WARS1: variants seen among roughly 807,000 people sequenced by gnomAD.
The protein encoded by WARS1 is tryptophan--tRNA ligase, cytoplasmic.
A neutral mutation model predicts 47.8 loss-of-function variants in WARS1; 17 were observed. The observed-to-expected ratio is 0.36, with a 90% CI of 0.24 to 0.53. The LOEUF is 0.53. WARS1 is among the 20% of genes least tolerant of loss of function. The pLI is 0.91. For synonymous variants in WARS1, 208 were observed against 228.1 expected (o/e 0.91, Z 0.79); for missense variants, 434 against 608.0 (o/e 0.71, Z 3.01).
Position 100,354,713 on chromosome 14 carries a change from A to T in WARS1, c.423-147T>A, listed in dbSNP as rs1465209171. 4.2e-6 allele frequency: 4 copies of T among 957,444 alleles called. No individual in the cohort carries two copies. In the Admixed American group the frequency reaches 1.2e-4, roughly 28 times the overall value. The allele number at this position is 957,444 out of a possible 1,614,324, so 59.3% of individuals were successfully genotyped here. On this transcript the variant is annotated intron_variant, in intron 4 of 10. Transcript: ENST00000392882. ...TGTTACCTTTGGTGCTTATGATATAAATATAGACAGGAAACTTCTACTGAA... is the reference window on the plus strand; with the variant it reads ...TGTTACCTTTGGTGCTTATGATATATATATAGACAGGAAACTTCTACTGAA...
chr14:100,347,406 A>G (rs1361367387), intron 6 of WARS1, among the ~76,000 whole-genome samples: 1 of 152,170 alleles, frequency 6.6e-6, no homozygotes, highest in African/African-American at 2.4e-5. Flanking sequence ...ATCCACAGCA[A>G]CAGGGCTAGG....
At position 100,344,274 on chromosome 14, in the gene WARS1, G is replaced by T. The variant is rs1038211121; in HGVS notation, c.827-887C>A. Among the ~76,000 whole-genome samples, 144 of 152,264 alleles carry T rather than the reference G, an allele frequency of 9.5e-4. 1 individual carries two copies. Among genetic ancestry groups the T allele is most frequent in the African/African-American group, 3.3e-3 (139 of 41,558 alleles). ...GTTTTCGGATTTTTTTGGTGGAGAC[G>T]GGGTTTCGCTGTGTTGGCCGGGCTG... On this transcript the variant is annotated intron_variant, in intron 7 of 10. Transcript: ENST00000392882.
At chr14:100,363,705 A>C (rs1232814644) in intron 2 of WARS1, among the ~76,000 whole-genome samples, 5 of 151,898 alleles carry the variant, frequency 3.3e-5, no homozygotes, top group Non-Finnish European at 7.4e-5. Context: ...CCCACAAAAA[A>C]CCCAGAACAT....
intron 2 of WARS1, chr14:100,368,346 A>G (rs1467981494): frequency 2.3e-6 from 1 of 442,728 alleles, no homozygotes; most frequent in Non-Finnish European, 4.6e-6. Context: ...TTCCATGGTC[A>G]TAATAATGTC....
intron 2 of WARS1, among the ~76,000 whole-genome samples, chr14:100,364,449 G>T (rs968635842): frequency 6.6e-6 from 1 of 152,144 alleles, no homozygotes; most frequent in East Asian, 1.9e-4. Context: ...AGCTCAAGGT[G>T]CCCTCTCTTA....
chr14:100,340,234 A>T (rs1894071514), intron 9 of WARS1: 1 of 152,218 alleles, frequency 6.6e-6, no homozygotes, highest in African/African-American at 2.4e-5. Context: ...GAACCAGCCT[A>T]CCAGGCCTGA....
chr14:100,372,837 T>C (rs546915157), intron 1 of WARS1, among the ~76,000 whole-genome samples: 1 of 152,322 alleles, frequency 6.6e-6, no homozygotes, highest in Admixed American at 6.5e-5. Flanking sequence ...CTTGCTCATG[T>C]GCTCTCTCAG....
rs548331511 is a variant in WARS1 at position 100,360,496 on chromosome 14, T to C, written c.422+58A>G. ...GGCTTATGAAGAGAGTGTCTTACGA[T>C]TTTTTTGAACTAAAAGAAGAGGACA... On this transcript the variant is annotated intron_variant, in intron 4 of 10. Coordinates refer to ENST00000392882, the MANE Select transcript of WARS1 (RefSeq NM_004184.4). The C allele has an allele frequency of 8.3e-5, 114 of 1,380,060 alleles. No individual in the cohort carries two copies. The African/African-American group carries it at 1.2e-3, about 15-fold the overall frequency. The allele number at this position is 1,380,060 out of a possible 1,614,324, so 85.5% of individuals were successfully genotyped here. A position where few individuals can be genotyped will look rare whatever the true frequency, so the allele number is the denominator to read the frequency against.
Position 100,334,705 on chromosome 14 carries a change from A to C in WARS1, c.*170T>G. 1.5e-6 allele frequency: 1 copy of C among 683,982 alleles called. No individual in the cohort carries two copies. Among genetic ancestry groups the C allele is most frequent in the Middle Eastern group, 2.8e-4 (1 of 3,552 alleles). The allele number at this position is 683,982 out of a possible 1,614,324, so 42.4% of individuals were successfully genotyped here. On this transcript the variant is annotated 3_prime_UTR_variant, in exon 11 of 11. Coordinates refer to ENST00000392882, the MANE Select transcript of WARS1 (RefSeq NM_004184.4). ...GCTTTGCCCATAAGAGATAGAAATA[A>C]TGGAACTCACAGGAAGAAACAGTAT...
rs1893592523 is a variant in WARS1, at chr14:100,334,779, G to A, written c.*96C>T. 1 of 1,463,264 alleles carries A rather than the reference G, an allele frequency of 6.8e-7. No individual in the cohort carries two copies. The highest frequency in any genetic ancestry group is 9.4e-7 in the Non-Finnish European group (1 of 1,069,416). The allele number at this position is 1,463,264 out of a possible 1,614,324, so 90.6% of individuals were successfully genotyped here. A position where few individuals can be genotyped will look rare whatever the true frequency, so the allele number is the denominator to read the frequency against. On this transcript the variant is annotated 3_prime_UTR_variant, in exon 11 of 11. Transcript: ENST00000392882. Reference sequence around the variant, plus strand: ...AGGCCAGGCCCAGTAATTACCATGAGACAGAAGCCTACAGGTGGCGGTGCT... The same window carrying A: ...AGGCCAGGCCCAGTAATTACCATGAAACAGAAGCCTACAGGTGGCGGTGCT...
At chr14:100,346,187 G>T (rs1192106269) in intron 7 of WARS1, among the ~76,000 whole-genome samples, 1 of 152,156 alleles carries the variant, frequency 6.6e-6, no homozygotes, top group Admixed American at 6.5e-5. Context: ...AGAGGGCCAT[G>T]AAGGCATGCA....
intron 6 of WARS1, chr14:100,353,143 A>G (rs1895099625): frequency 6.6e-6 from 1 of 152,290 alleles, no homozygotes; most frequent in South Asian, 2.1e-4. Flanking sequence ...TTATGGAGAC[A>G]ATAATCGAGT....
intron 10 of WARS1, 36 bp downstream of exon 10, chr14:100,337,026 G>T: frequency 3.8e-6 from 6 of 1,599,906 alleles, no homozygotes; most frequent in Non-Finnish European, 5.1e-6. Flanking sequence ...GTGGGTGGCA[G>T]AAGGCGGCTG....
At chr14:100,357,544 C>G (rs1330691512) in intron 4 of WARS1, among the ~76,000 whole-genome samples, 1 of 151,924 alleles carries the variant, frequency 6.6e-6, no homozygotes, top group Non-Finnish European at 1.5e-5. Flanking sequence ...TCACTGCCAC[C>G]TCTGCCTCCT....
intron 4 of WARS1, among the ~76,000 whole-genome samples, chr14:100,360,241 T>C (rs1895575293): frequency 6.6e-6 from 1 of 152,216 alleles, no homozygotes; most frequent in Non-Finnish European, 1.5e-5. Context: ...GACATATTAT[T>C]CTCTTTTGTT....
At chr14:100,356,829 TA>T (rs1895352350) in intron 4 of WARS1, among the ~76,000 whole-genome samples, 1 of 152,090 alleles carries the variant, frequency 6.6e-6, no homozygotes, top group South Asian at 2.1e-4. Context: ...CCAAAGACAT[TA>T]AAAGAAAACT....
rs116420356 is a variant in WARS1, at chr14:100,343,205, C to T, written c.939+70G>A. On this transcript the variant is annotated intron_variant, in intron 8 of 10. Coordinates refer to ENST00000392882, the MANE Select transcript of WARS1 (RefSeq NM_004184.4). The stretch of plus-strand genomic sequence containing the variant: ...CATCATATCTTTCAATACCTCTCCC[C>T]GCTGAAGAGTAAGAGGAACCTGCTG... 5.5e-4 allele frequency: 739 copies of T among 1,338,682 alleles called. 3 individuals carry two copies. In the African/African-American group the frequency reaches 9.6e-3, roughly 17 times the overall value. 82.9% of individuals were successfully genotyped at this position (1,338,682 alleles called of 1,614,324 possible).
intron 4 of WARS1, among the ~76,000 whole-genome samples, chr14:100,355,330 C>T (rs1305826928): frequency 6.6e-6 from 1 of 152,070 alleles, no homozygotes; most frequent in Admixed American, 6.5e-5. Context: ...AAGCGATTCT[C>T]CTGCCTCAGC....
At position 100,361,874 on chromosome 14, in the gene WARS1, G is replaced by C; in HGVS notation, c.147C>G (p.Ser49Arg). The C allele has an allele frequency of 6.2e-7, 1 of 1,614,172 alleles. No individual in the cohort carries two copies. The highest frequency in any genetic ancestry group is 8.5e-7 in the Non-Finnish European group (1 of 1,180,022). Reference protein sequence around the residue: ...AVKMLVSLKMSYKAAAGEDYK... With the variant: ...AVKMLVSLKMRYKAAAGEDYK... ...AATCCTCCCCCGCGGCAGCTTTGTAGCTCATTTTTAATGACACCAACATCT... is the reference window on the plus strand; with the variant it reads ...AATCCTCCCCCGCGGCAGCTTTGTACCTCATTTTTAATGACACCAACATCT... The change falls in exon 3 of 11, where the codon AGC becomes AGG. Residue 49 changes from serine (S) to arginine (R), a missense_variant. Transcript: ENST00000392882.
Sources: allele counts gnomAD v4.1 joint callset (sites outside exome capture counted in the v4.1 genomes callset), GRCh38; gene constraint gnomAD v4.1.1; transcripts MANE v1.5; gene names NCBI Gene and HGNC (gene_info 2026-07-23, HGNC 2026-07-21).